CACNA1B: variants seen among roughly 807,000 people sequenced by gnomAD.
The protein encoded by CACNA1B is voltage-dependent N-type calcium channel subunit alpha-1B.
A neutral mutation model predicts 247.2 loss-of-function variants in CACNA1B; 70 were observed. The observed-to-expected ratio is 0.28, with a 90% CI of 0.23 to 0.35. CACNA1B has a LOEUF of 0.35. Ranked by LOEUF, CACNA1B falls within the 10% of genes least tolerant of loss-of-function variation. The pLI is 1.00. For missense variants in CACNA1B, 2,367 were observed against 3,197.4 expected, an observed-to-expected ratio of 0.74 and a Z score of 6.26; for synonymous variants, 1,231 against 1,294.4, an observed-to-expected ratio of 0.95 and a Z score of 1.05.
Position 138,051,026 on chromosome 9 carries a change from G to A in CACNA1B, c.3711-1066G>A, listed in dbSNP as rs537287982. Among the ~76,000 whole-genome samples the A allele has an allele frequency of 2.6e-5, 4 of 152,280 alleles. No homozygotes were observed. The highest frequency in any genetic ancestry group is 5.9e-5 in the Non-Finnish European group (4 of 68,022). ...TAGAAGCAGGCCTTCCCCAGGGAGC[G>A]TGGTGGGACGTGGCCTCTGAGCAGG... On this transcript the variant is annotated intron_variant, in intron 24 of 46. Coordinates refer to ENST00000371372, the MANE Select transcript of CACNA1B (RefSeq NM_000718.4). This position sits in a 1 kb window ranked among gnomAD's most constrained non-coding sequence, Gnocchi z 4.3.
chr9:138,040,495 T>A (rs1244947736), intron 20 of CACNA1B: 2 of 287,912 alleles, frequency 6.9e-6, no homozygotes, highest in Non-Finnish European at 1.3e-5. Flanking sequence ...TATATATATA[T>A]AAATGATATA....
chr9:138,059,075 G>C lies in CACNA1B; in HGVS notation c.4474-4G>C, dbSNP rs757030496. On this transcript the variant is annotated splice_region_variant and splice_polypyrimidine_tract_variant and intron_variant, in intron 29 of 46. Transcript: ENST00000371372. This position sits in a 1 kb window ranked among gnomAD's most constrained non-coding sequence, Gnocchi z 4.2. ...ATGGCCAACAGTGCCTATTCCCCGG[G>C]CAGTTCTATGATGCACCCTATGAGT... The C allele has an allele frequency of 6.3e-7, 1 of 1,582,248 alleles. No homozygotes were observed.
At chr9:138,087,242 G>A (rs557568864) in intron 36 of CACNA1B, among the ~76,000 whole-genome samples, 3 of 149,456 alleles carry the variant, frequency 2.0e-5, no homozygotes, top group South Asian at 2.1e-4. Context: ...AAAAATTAGC[G>A]GGCATGGTGG....
chr9:137,878,439 C>T (rs1416865263), intron 1 of CACNA1B, among the ~76,000 whole-genome samples: 1 of 152,092 alleles, frequency 6.6e-6, no homozygotes, highest in Admixed American at 6.5e-5. Flanking sequence ...CGGACTCGTC[C>T]CTCCGCACGC....
At chr9:137,943,645 G>C (rs555032922) in intron 6 of CACNA1B, among the ~76,000 whole-genome samples, 11 of 152,142 alleles carry the variant, frequency 7.2e-5, no homozygotes, top group Non-Finnish European at 1.6e-4. Flanking sequence ...TGGAAGAAGG[G>C]GTCAGGGGGC....
At chr9:138,028,458 A>C (rs987017373) in intron 20 of CACNA1B, among the ~76,000 whole-genome samples, 1 of 152,246 alleles carries the variant, frequency 6.6e-6, no homozygotes, top group Non-Finnish European at 1.5e-5. Context: ...AATGCTTCAC[A>C]TATTGTTTCC....
At chr9:137,991,037 C>T (rs944901653) in intron 15 of CACNA1B, among the ~76,000 whole-genome samples, 4 of 152,186 alleles carry the variant, frequency 2.6e-5, no homozygotes, top group Non-Finnish European at 4.4e-5. Context: ...GGTTCTTAAA[C>T]ACCCCCAGAA....
Position 138,086,675 on chromosome 9 carries a change from T to TC in CACNA1B, c.5094+8419dup, listed in dbSNP as rs746114264. 4.6e-4 allele frequency among the ~76,000 whole-genome samples: 69 copies of TC among 151,270 alleles called. 1 individual carries two copies. Among genetic ancestry groups the TC allele is most frequent in the Non-Finnish European group, 8.8e-4 (60 of 68,016 alleles). ...GACATACAAAACAAATATTATTAGA[T>TC]CCAAAAAGAGAGATAGATTCCAGCA... On this transcript the variant is annotated intron_variant, in intron 36 of 46. Coordinates refer to ENST00000371372, the MANE Select transcript of CACNA1B (RefSeq NM_000718.4).
chr9:138,104,726 C>G (rs933028388), intron 38 of CACNA1B, among the ~76,000 whole-genome samples: 3 of 152,154 alleles, frequency 2.0e-5, no homozygotes, highest in Non-Finnish European at 4.4e-5. Flanking sequence ...CAAGGACAGG[C>G]AGACCCTGGG....
At position 137,899,645 on chromosome 9, in the gene CACNA1B, C is replaced by T. The variant is rs566054174; in HGVS notation, c.531-13535C>T. 3.3e-5 allele frequency among the ~76,000 whole-genome samples: 5 copies of T among 152,300 alleles called. No individual in the cohort carries two copies. The highest frequency in any genetic ancestry group is 4.1e-4 in the South Asian group (2 of 4,820). On this transcript the variant is annotated intron_variant, in intron 3 of 46. Transcript: ENST00000371372. The surrounding 1 kb of genome is among the most constrained non-coding windows in gnomAD (Gnocchi z 5.0). ...TGTGGCGTCTTTGGCCGAGAACTGC[C>T]GGCTCTCTCCATGGCAACTGCAAGC...
chr9:137,917,670 G>A lies in CACNA1B; in HGVS notation c.966+239G>A, dbSNP rs992307219. ...GGGTCCTCCTGGAGTTGACTCCTTC[G>A]TGAAAATGAAGCAGAAGGCTGACTG... is the stretch of plus-strand genomic sequence containing the variant. On this transcript the variant is annotated intron_variant, in intron 6 of 46. Transcript: ENST00000371372. This position sits in a 1 kb window ranked among gnomAD's most constrained non-coding sequence, Gnocchi z 5.5. 2.0e-5 allele frequency among the ~76,000 whole-genome samples: 3 copies of A among 152,234 alleles called. No individual in the cohort carries two copies. The highest frequency in any genetic ancestry group is 2.1e-4 in the South Asian group (1 of 4,832).
chr9:138,055,608 T>C (rs1959466549), intron 26 of CACNA1B, among the ~76,000 whole-genome samples: 1 of 152,256 alleles, frequency 6.6e-6, no homozygotes, highest in African/African-American at 2.4e-5. Context: ...AAGTTGATTT[T>C]TATGTGTTAC....
At position 137,974,383 on chromosome 9, in the gene CACNA1B, G is replaced by A. The variant is rs1481285700; in HGVS notation, c.1544-1524G>A. Among the ~76,000 whole-genome samples the A allele has an allele frequency of 6.6e-6, 1 of 152,174 alleles. No homozygotes were observed. The highest frequency in any genetic ancestry group is 2.4e-5 in the African/African-American group (1 of 41,436). On this transcript the variant is annotated intron_variant, in intron 11 of 46. Transcript: ENST00000371372. The surrounding 1 kb of genome is among the most constrained non-coding windows in gnomAD (Gnocchi z 4.5). ...ATCCCATGCTTAGCTTGAGTGCCTG[G>A]TGATTTTCTGGCTGGTGTCAGAGGC...
At position 138,108,866 on chromosome 9, in the gene CACNA1B, G is replaced by T. The variant is rs1397812709; in HGVS notation, c.5428+3059G>T. On this transcript the variant is annotated intron_variant, in intron 39 of 46. Coordinates refer to ENST00000371372, the MANE Select transcript of CACNA1B (RefSeq NM_000718.4). ...GGGTTTCACCGTGTTAGCCAGGATG[G>T]TCTCCATCTCCTGACCTCGTGATCC... Among the ~76,000 whole-genome samples, 4 of 152,158 alleles carry T rather than the reference G, an allele frequency of 2.6e-5. No individual in the cohort carries two copies. The South Asian group carries it at 6.2e-4, about 24-fold the overall frequency.
intron 3 of CACNA1B, among the ~76,000 whole-genome samples, chr9:137,908,291 G>A (rs7032972): frequency 0.15 from 22,379 of 152,032 alleles, 1,909 homozygotes; most frequent in East Asian, 0.44. Context: ...TGAGGCGGGC[G>A]GATCACCTGA....
intron 6 of CACNA1B, among the ~76,000 whole-genome samples, chr9:137,920,512 G>A (rs1002557358): frequency 6.6e-6 from 1 of 152,186 alleles, no homozygotes; most frequent in Non-Finnish European, 1.5e-5. Flanking sequence ...ACTTTCAACT[G>A]CCGAGTTGAA....
Position 138,114,502 on chromosome 9 carries a change from C to T in CACNA1B, c.5649+12C>T, listed in dbSNP as rs766651484. ...GAGGCCTCTCCCAGGTAGCTGGCGG[C>T]CCTCAGTTTTCCAGGAAAACTGTGA... On this transcript the variant is annotated intron_variant, in intron 41 of 46. Coordinates refer to ENST00000371372, the MANE Select transcript of CACNA1B (RefSeq NM_000718.4). 2.8e-6 allele frequency: 4 copies of T among 1,441,228 alleles called. No individual in the cohort carries two copies. The highest frequency in any genetic ancestry group is 2.9e-6 in the Non-Finnish European group (3 of 1,044,300). The allele number at this position is 1,441,228 out of a possible 1,614,324, so 89.3% of individuals were successfully genotyped here.
At chr9:137,965,791 G>A (rs934974949) in intron 10 of CACNA1B, among the ~76,000 whole-genome samples, 3 of 152,050 alleles carry the variant, frequency 2.0e-5, no homozygotes, top group Admixed American at 6.5e-5. Context: ...TCACCAGGTT[G>A]GCCAGGCTGG....
Position 138,117,127 on chromosome 9 carries a change from C to T in CACNA1B, c.5778-819C>T, listed in dbSNP as rs181548072. ...AATGAGCACTCACCCGAACACATTC[C>T]ACGCCAGTTGGGAGATAAGTGATGA... On this transcript the variant is annotated intron_variant, in intron 42 of 46. Coordinates refer to ENST00000371372, the MANE Select transcript of CACNA1B (RefSeq NM_000718.4). Among the ~76,000 whole-genome samples, 367 of 152,322 alleles carry T rather than the reference C, an allele frequency of 2.4e-3. 3 individuals are homozygous for T. Among genetic ancestry groups the T allele is most frequent in the African/African-American group, 8.4e-3 (350 of 41,560 alleles).
Sources: allele counts gnomAD v4.1 joint callset (sites outside exome capture counted in the v4.1 genomes callset), GRCh38; gene constraint gnomAD v4.1.1; non-coding constraint Gnocchi (gnomAD v3.1); transcripts MANE v1.5; gene names NCBI Gene and HGNC (gene_info 2026-07-23, HGNC 2026-07-21).